Variants in POLR3B observed in about 807,000 individuals in gnomAD.
POLR3B encodes DNA-directed RNA polymerase III subunit RPC2.
POLR3B carries 96 observed loss-of-function variants against 147.4 expected under a neutral mutation model. The observed-to-expected ratio is 0.65, with a 90% confidence interval of 0.55 to 0.77. The LOEUF (loss-of-function observed/expected upper bound fraction) is 0.77. Ranked by LOEUF, POLR3B falls within the 30% of genes least tolerant of loss-of-function variation. POLR3B has a pLI of 0.00. For synonymous variants in POLR3B, 461 were observed against 485.9 expected (o/e 0.95, Z 0.67); for missense variants, 1,036 against 1,413.5 (o/e 0.73, Z 4.28).
In POLR3B at chr12:106,441,713, A is replaced by G. The variant is rs559979009; in HGVS notation, c.1956-2750A>G. 1.6e-4 allele frequency among the ~76,000 whole-genome samples: 25 copies of G among 152,202 alleles called. 1 individual carries two copies. The highest frequency in any genetic ancestry group is 5.5e-4 in the African/African-American group (23 of 41,530). On this transcript the variant is annotated intron_variant, in intron 18 of 27. Coordinates refer to ENST00000228347, the MANE Select transcript of POLR3B (RefSeq NM_018082.6). ...CTGTTGAATATTTAGGTAGTTTCCA[A>G]TTTTTCTACTGTTATAAACAACAGG...
intron 25 of POLR3B, chr12:106,500,118 G>A (rs965162597): frequency 2.2e-6 from 1 of 455,944 alleles, no homozygotes; most frequent in Non-Finnish European, 4.4e-6. Context: ...TCAAAATAGA[G>A]GTGACAGTTC....
intron 12 of POLR3B, among the ~76,000 whole-genome samples, chr12:106,422,786 A>G (rs921236847): frequency 7.2e-5 from 11 of 152,136 alleles, no homozygotes; most frequent in African/African-American, 2.7e-4. Context: ...TGGCTATTTC[A>G]GGGTCTTAGC....
intron 12 of POLR3B, among the ~76,000 whole-genome samples, 174 bp from the exon 13 acceptor site, chr12:106,427,023 C>T (rs1261517474): frequency 1.3e-5 from 2 of 151,906 alleles, no homozygotes; most frequent in African/African-American, 4.8e-5. Flanking sequence ...CGGTGTTAAG[C>T]ACATAGAAAA....
intron 10 of POLR3B, among the ~76,000 whole-genome samples, chr12:106,396,570 G>C (rs892412823): frequency 3.3e-5 from 5 of 152,128 alleles, no homozygotes; most frequent in African/African-American, 1.2e-4. Flanking sequence ...AAAACATAAT[G>C]TGATATGAAC....
chr12:106,481,879 T>G (rs2038272925), intron 23 of POLR3B, among the ~76,000 whole-genome samples: 1 of 152,202 alleles, frequency 6.6e-6, no homozygotes, highest in African/African-American at 2.4e-5. Context: ...ATGAGAAGGA[T>G]TTTTAGAGCA....
At chr12:106,385,522 G>T (rs371276291) in intron 9 of POLR3B, among the ~76,000 whole-genome samples, 1 of 152,182 alleles carries the variant, frequency 6.6e-6, no homozygotes, top group African/African-American at 2.4e-5. Context: ...AACTAAGTTC[G>T]TTGAAACGGA....
intron 12 of POLR3B, among the ~76,000 whole-genome samples, chr12:106,425,395 C>T (rs2037422481): frequency 6.6e-6 from 1 of 152,132 alleles, no homozygotes; most frequent in South Asian, 2.1e-4. Context: ...ACTGTTGTTG[C>T]TAGTTACTGT....
At chr12:106,370,458 C>T (rs894342467) in intron 6 of POLR3B, among the ~76,000 whole-genome samples, 1 of 152,046 alleles carries the variant, frequency 6.6e-6, no homozygotes, top group Admixed American at 6.6e-5. Flanking sequence ...GTCTAGAAGT[C>T]CAGATTTTTA....
chr12:106,433,448 G>C (rs1007545440), intron 15 of POLR3B, among the ~76,000 whole-genome samples: 1 of 152,156 alleles, frequency 6.6e-6, no homozygotes, highest in Non-Finnish European at 1.5e-5. Flanking sequence ...AGGTTGTTTG[G>C]ACCCCAAGTT....
chr12:106,426,220 A>G (rs1362184240), intron 12 of POLR3B, among the ~76,000 whole-genome samples: 1 of 84,718 alleles, frequency 1.2e-5, no homozygotes, highest in Non-Finnish European at 2.4e-5. Context: ...AGGGCCTGCA[A>G]TTTGTGTGTG....
chr12:106,508,191 T>C (rs557562154), intron 27 of POLR3B, among the ~76,000 whole-genome samples: 1 of 152,336 alleles, frequency 6.6e-6, no homozygotes, highest in African/African-American at 2.4e-5. Flanking sequence ...TCTATCTAAA[T>C]GTCCCAGTGG....
intron 11 of POLR3B, 165 bp from the exon 12 acceptor site, chr12:106,410,661 C>G: frequency 1.5e-6 from 1 of 674,466 alleles, no homozygotes; most frequent in Non-Finnish European, 2.6e-6. Context: ...AAGTCATCAT[C>G]TCAGCTCAGG....
intron 1 of POLR3B, chr12:106,358,164 C>T (rs1290024263): frequency 2.1e-6 from 3 of 1,441,390 alleles, no homozygotes; most frequent in Non-Finnish European, 2.7e-6. Flanking sequence ...AGCTGTCAGC[C>T]GCTGCGGGGG....
chr12:106,444,209 G>A (rs2037692316), intron 18 of POLR3B, among the ~76,000 whole-genome samples: 1 of 152,098 alleles, frequency 6.6e-6, no homozygotes, highest in Non-Finnish European at 1.5e-5. Context: ...AGGAAAAGCA[G>A]GCTAGTCATC....
At chr12:106,451,966 T>C (rs755603681) in intron 19 of POLR3B, among the ~76,000 whole-genome samples, 2 of 152,166 alleles carry the variant, frequency 1.3e-5, no homozygotes, top group Non-Finnish European at 2.9e-5. Flanking sequence ...AGAAGTAGAA[T>C]GCAACTTATA....
Position 106,441,060 on chromosome 12 carries a change from G to A in POLR3B, c.1955+3281G>A, listed in dbSNP as rs138274622. 4.0e-3 allele frequency among the ~76,000 whole-genome samples: 603 copies of A among 152,108 alleles called. 7 individuals are homozygous for A. The highest frequency in any genetic ancestry group is 0.014 in the African/African-American group (581 of 41,508). On this transcript the variant is annotated intron_variant, in intron 18 of 27. Coordinates refer to ENST00000228347, the MANE Select transcript of POLR3B (RefSeq NM_018082.6). ...CAGACTCCACCCTCCAGAAGTTGCC[G>A]ATGCTAATAATTTCTTATGTACTAT...
intron 12 of POLR3B, among the ~76,000 whole-genome samples, chr12:106,411,469 A>G (rs149532555): frequency 8.5e-5 from 13 of 152,298 alleles, no homozygotes; most frequent in African/African-American, 1.9e-4. Flanking sequence ...TACGTGACCT[A>G]TATCTTTTGT....
intron 23 of POLR3B, among the ~76,000 whole-genome samples, chr12:106,479,150 T>C (rs981717516): frequency 1.3e-5 from 2 of 152,104 alleles, no homozygotes; most frequent in African/African-American, 4.8e-5. Flanking sequence ...GGACATTTTC[T>C]TATATTTATT....
intron 4 of POLR3B, 147 bp downstream of exon 4, chr12:106,366,869 C>T (rs539832781): frequency 7.4e-6 from 5 of 677,458 alleles, no homozygotes; most frequent in South Asian, 3.2e-5. Context: ...TTTGGGAGGC[C>T]GAGGTGGGCA....
Sources: allele counts gnomAD v4.1 joint callset (sites outside exome capture counted in the v4.1 genomes callset), GRCh38; gene constraint gnomAD v4.1.1; transcripts MANE v1.5; gene names NCBI Gene and HGNC (gene_info 2026-07-23, HGNC 2026-07-21).